SEPHS1: variants seen among roughly 807,000 people sequenced by gnomAD.
SEPHS1 encodes zincore component SEPHS1.
SEPHS1 carries 7 observed loss-of-function variants against 39.2 expected under a neutral mutation model. That is an observed-to-expected ratio of 0.18 (90% CI 0.10 to 0.34). The LOEUF is 0.34. Among genes scored for constraint, SEPHS1 ranks in the 10% least tolerant of loss-of-function variants. The pLI is 1.00. For missense variants in SEPHS1, 253 were observed against 514.5 expected (o/e 0.49, Z 4.92); for synonymous variants, 190 against 195.5 (o/e 0.97, Z 0.23).
At chr10:13,340,981 A>AT (rs1833766330) in intron 2 of SEPHS1, among the ~76,000 whole-genome samples, 1 of 152,280 alleles carries the variant, frequency 6.6e-6, no homozygotes, top group Non-Finnish European at 1.5e-5. Context: ...ATAATGTCGT[A>AT]TATATACATA....
intron 7 of SEPHS1, 93 bp from the exon 8 acceptor site, chr10:13,323,140 C>G (rs1194431063): frequency 2.0e-6 from 2 of 976,336 alleles, no homozygotes; most frequent in Admixed American, 2.0e-5. Flanking sequence ...CCTTACTTGT[C>G]AGGGAGATGA....
intron 7 of SEPHS1, among the ~76,000 whole-genome samples, chr10:13,325,742 C>T (rs893552909): frequency 2.0e-5 from 3 of 151,512 alleles, no homozygotes; most frequent in African/African-American, 7.3e-5. Context: ...ACTAAAAATA[C>T]CAAAATTAGT....
At chr10:13,332,171 G>A (rs2130664301) in intron 5 of SEPHS1, among the ~76,000 whole-genome samples, 1 of 152,360 alleles carries the variant, frequency 6.6e-6, no homozygotes, top group African/African-American at 2.4e-5. Flanking sequence ...GTCCATCCAT[G>A]CAATGGATTA....
At chr10:13,332,256 A>ACAT (rs1423013948) in intron 5 of SEPHS1, among the ~76,000 whole-genome samples, 1 of 152,218 alleles carries the variant, frequency 6.6e-6, no homozygotes, top group East Asian at 1.9e-4. Flanking sequence ...CCGCTATGGG[A>ACAT]GTGAAGCCAG....
intron 4 of SEPHS1, among the ~76,000 whole-genome samples, chr10:13,334,722 C>G (rs1378401040): frequency 6.6e-6 from 1 of 152,108 alleles, no homozygotes; most frequent in Non-Finnish European, 1.5e-5. Context: ...CAAAAACAAA[C>G]AAAAACAAAA....
intron 7 of SEPHS1, among the ~76,000 whole-genome samples, chr10:13,326,787 A>G (rs1376604295): frequency 6.6e-6 from 1 of 151,934 alleles, no homozygotes; most frequent in African/African-American, 2.4e-5. Context: ...TCCTGCCTCA[A>G]CCTCCCAAAG....
chr10:13,329,807 C>T lies in SEPHS1; in HGVS notation c.561-19G>A, dbSNP rs774511053. 4.4e-6 allele frequency: 7 copies of T among 1,587,418 alleles called. No individual in the cohort carries two copies. Among genetic ancestry groups the T allele is most frequent in the Non-Finnish European group, 6.0e-6 (7 of 1,163,668 alleles). On this transcript the variant is annotated intron_variant, in intron 5 of 8. Transcript: ENST00000327347. ...GTCTGGCCTGAAGAAAAGAAAAGGG[C>T]ATGTTCTAGTCAAACTAACCAAGGA... is the stretch of plus-strand genomic sequence containing the variant.
At chr10:13,340,390 C>T (rs1177248527) in intron 2 of SEPHS1, among the ~76,000 whole-genome samples, 2 of 152,108 alleles carry the variant, frequency 1.3e-5, no homozygotes, top group Non-Finnish European at 2.9e-5. Context: ...CAGAGGAGAA[C>T]GTGTGAGATA....
chr10:13,326,195 G>A (rs1446126394), intron 7 of SEPHS1, among the ~76,000 whole-genome samples: 1 of 152,004 alleles, frequency 6.6e-6, no homozygotes, highest in African/African-American at 2.4e-5. Flanking sequence ...AGTTGACTAG[G>A]CCAGGTGCAG....
chr10:13,332,854 A>AT (rs1384086813), intron 5 of SEPHS1, among the ~76,000 whole-genome samples: 3 of 151,826 alleles, frequency 2.0e-5, no homozygotes, highest in Non-Finnish European at 2.9e-5. Context: ...AAAAAAAAAA[A>AT]CAAAAACACC....
intron 2 of SEPHS1, among the ~76,000 whole-genome samples, chr10:13,343,746 A>T (rs1383741794): frequency 1.3e-5 from 2 of 152,144 alleles, no homozygotes; most frequent in East Asian, 1.9e-4. Context: ...CCCAGGAGGC[A>T]GAGGTTGCAG....
At chr10:13,347,255 G>GCCCCGCCAACCCCGGACCTACCT (rs1564456259) in intron 1 of SEPHS1, 4 of 151,528 alleles carry the variant, frequency 2.6e-5, no homozygotes, top group Non-Finnish European at 1.5e-5. Context: ...CCGGCGCGCT[G>GCCCCGCCAACCCCGGACCTACCT]CCCCGCCAAC....
intron 8 of SEPHS1, chr10:13,321,958 G>GCGC: frequency 2.4e-6 from 1 of 418,036 alleles, no homozygotes; most frequent in South Asian, 1.7e-5. Context: ...AACTACTGGG[G>GCGC]CGTATGGTGT....
At chr10:13,343,678 G>GT (rs397719639) in intron 2 of SEPHS1, among the ~76,000 whole-genome samples, 1 of 20,674 alleles carries the variant, frequency 4.8e-5, no homozygotes, top group African/African-American at 2.6e-4. Context: ...AGCCGGGCAT[G>GT]TGGCAGGGGC....
At chr10:13,337,311 AT>A (rs1054801509) in intron 3 of SEPHS1, among the ~76,000 whole-genome samples, 1 of 152,236 alleles carries the variant, frequency 6.6e-6, no homozygotes, top group African/African-American at 2.4e-5. Context: ...AAATGATGTC[AT>A]TTTATTAGGA....
At chr10:13,347,236 G>C (rs1291454922) in intron 1 of SEPHS1, 1 of 151,858 alleles carries the variant, frequency 6.6e-6, no homozygotes, top group Non-Finnish European at 1.5e-5. Context: ...GCCGGTCAGC[G>C]GGGTGGGCCC....
chr10:13,323,062 G>C lies in SEPHS1; in HGVS notation c.752-15C>G, dbSNP rs1318993534. On this transcript the variant is annotated splice_polypyrimidine_tract_variant and intron_variant, in intron 7 of 8. Coordinates refer to ENST00000327347, the MANE Select transcript of SEPHS1 (RefSeq NM_012247.5). ...GAGTCCTGCAGCTGGGAGAGAGAGG[G>C]GGCGGCTCTGAGAAAAAACACCTTT... is the stretch of plus-strand genomic sequence containing the variant. 6.2e-7 allele frequency: 1 copy of C among 1,611,440 alleles called. No individual in the cohort carries two copies. Among genetic ancestry groups the C allele is most frequent in the South Asian group, 1.1e-5 (1 of 90,860 alleles).
At chr10:13,327,240 CAAAAAAAAAA>C (rs34788028) in intron 7 of SEPHS1, among the ~76,000 whole-genome samples, 2 of 82,796 alleles carry the variant, frequency 2.4e-5, no homozygotes, top group African/African-American at 5.3e-5. Context: ...GATTCTGTCT[CAAAAAAAAAA>C]AAAAAAAAAA....
At chr10:13,328,628 C>G in intron 6 of SEPHS1, among the ~76,000 whole-genome samples, 178 bp from the exon 7 acceptor site, 1 of 152,210 alleles carries the variant, frequency 6.6e-6, no homozygotes, top group South Asian at 2.1e-4. Flanking sequence ...GTCCATTAGA[C>G]CTGTCAGCAT....
Sources: allele counts gnomAD v4.1 joint callset (sites outside exome capture counted in the v4.1 genomes callset), GRCh38; gene constraint gnomAD v4.1.1; transcripts MANE v1.5; gene names NCBI Gene and HGNC (gene_info 2026-07-23, HGNC 2026-07-21).